CTRC: variants seen among roughly 807,000 people sequenced by gnomAD.
CTRC encodes chymotrypsin-C.
In CTRC, 32 loss-of-function variants were observed where a neutral mutation model predicts 35.7. The observed-to-expected ratio is 0.90, with a 90% CI of 0.68 to 1.20. The LOEUF is 1.20. Ranked by LOEUF, CTRC falls within the 50% of genes most tolerant of loss-of-function variation. The pLI is 0.00. For missense variants in CTRC, 324 were observed against 361.5 expected (o/e 0.90, Z 0.84); for synonymous variants, 119 against 149.5 (o/e 0.80, Z 1.49).
chr1:15,445,793 C>T (rs910475501), intron 7 of CTRC, 44 bp downstream of exon 7: 1 of 1,609,734 alleles, frequency 6.2e-7, no homozygotes, highest in South Asian at 1.1e-5. Flanking sequence ...GTCAGCCCCT[C>T]CCCCTCACTC....
chr1:15,441,386 C>T (rs927199274), intron 3 of CTRC, among the ~76,000 whole-genome samples: 1 of 151,862 alleles, frequency 6.6e-6, no homozygotes, highest in African/African-American at 2.4e-5. Context: ...GTGTTCCAGG[C>T]GGAGGGAACA....
In CTRC at chr1:15,446,921, C is replaced by G. The variant is rs536729694; in HGVS notation, c.*332C>G. 44 of 461,900 alleles carry G rather than the reference C, an allele frequency of 9.5e-5. No individual in the cohort carries two copies. Among genetic ancestry groups the G allele is most frequent in the African/African-American group, 6.7e-4 (34 of 50,636 alleles). 28.6% of individuals were successfully genotyped at this position (461,900 alleles called of 1,614,324 possible). A position where few individuals can be genotyped will look rare whatever the true frequency, so the allele number is the denominator to read the frequency against. ...TGAAGGACGCATCAGACACCTTCCC[C>G]GCTCCATCTCACAAGCTGCGAACAG... On this transcript the variant is annotated 3_prime_UTR_variant, in exon 8 of 8. Transcript: ENST00000375949.
In CTRC at chr1:15,441,741, A is replaced by G. The variant is rs116878188; in HGVS notation, c.231-706A>G. Reference sequence around the variant, plus strand: ...CAGAGTCTCATTTAGTGGTACCATCATGGTTCACTGTAGCCTTGACCTCCT... The same window carrying G: ...CAGAGTCTCATTTAGTGGTACCATCGTGGTTCACTGTAGCCTTGACCTCCT... On this transcript the variant is annotated intron_variant, in intron 3 of 7. Coordinates refer to ENST00000375949, the MANE Select transcript of CTRC (RefSeq NM_007272.3). Among the ~76,000 whole-genome samples the G allele has an allele frequency of 1.6e-3, 235 of 149,724 alleles. 3 individuals are homozygous for G. In the East Asian group the frequency reaches 0.043, roughly 27 times the overall value.
chr1:15,446,251 C>T (rs923148706), intron 7 of CTRC, among the ~76,000 whole-genome samples: 2 of 152,248 alleles, frequency 1.3e-5, no homozygotes, highest in African/African-American at 4.8e-5. Context: ...ACCAGTCTCC[C>T]CCAAAAACTG....
intron 3 of CTRC, 43 bp from the exon 4 acceptor site, chr1:15,442,404 G>A (rs1463220854): frequency 6.3e-7 from 1 of 1,580,090 alleles, no homozygotes; most frequent in East Asian, 2.3e-5. Context: ...CTGGCTGGCA[G>A]GACCAGGGGG....
At chr1:15,444,100 T>A (rs544340146) in intron 5 of CTRC, among the ~76,000 whole-genome samples, 75 of 151,256 alleles carry the variant, frequency 5.0e-4, no homozygotes, top group South Asian at 1.5e-3. Flanking sequence ...AAAAAAAAAA[T>A]TTTTAAATAG....
chr1:15,443,861 T>C (rs1208459164), intron 5 of CTRC, among the ~76,000 whole-genome samples: 1 of 152,136 alleles, frequency 6.6e-6, no homozygotes, highest in Non-Finnish European at 1.5e-5. Flanking sequence ...ACATCTGTGG[T>C]ATACCGTATG....
chr1:15,440,060 G>T (rs1708102401), intron 1 of CTRC, among the ~76,000 whole-genome samples: 1 of 152,118 alleles, frequency 6.6e-6, no homozygotes, highest in Non-Finnish European at 1.5e-5. Flanking sequence ...TCTTTTTTAT[G>T]TGTTGTCTAA....
intron 1 of CTRC, among the ~76,000 whole-genome samples, chr1:15,438,793 G>A (rs1449063400): frequency 6.6e-6 from 1 of 152,170 alleles, no homozygotes; most frequent in Non-Finnish European, 1.5e-5. Context: ...CCTCATCCTG[G>A]GTTCACCCCA....
chr1:15,444,903 C>T, intron 6 of CTRC, 152 bp downstream of exon 6: 1 of 918,980 alleles, frequency 1.1e-6, no homozygotes, highest in Non-Finnish European at 1.7e-6. Context: ...CATCACCCCC[C>T]ATCACTGTGG....
In CTRC at chr1:15,447,039, C is replaced by G; in HGVS notation, c.*450C>G. 3.1e-6 allele frequency: 1 copy of G among 318,856 alleles called. No homozygotes were observed. 19.8% of individuals were successfully genotyped at this position (318,856 alleles called of 1,614,324 possible). A position where few individuals can be genotyped will look rare whatever the true frequency, so the allele number is the denominator to read the frequency against. ...CAGCCCCCCAGCAGCAGGTGGAAGACAGGGTCTCCCCAAAAGCAGCGTCCC... is the reference window on the plus strand; with the variant it reads ...CAGCCCCCCAGCAGCAGGTGGAAGAGAGGGTCTCCCCAAAAGCAGCGTCCC... On this transcript the variant is annotated 3_prime_UTR_variant, in exon 8 of 8. Transcript: ENST00000375949.
chr1:15,445,456 C>T (rs1557510650), intron 6 of CTRC, 141 bp from the exon 7 acceptor site: 6 of 800,708 alleles, frequency 7.5e-6, no homozygotes, highest in Admixed American at 2.3e-5. Context: ...GCCTCCCTCA[C>T]CATGGGCAGG....
Position 15,447,770 on chromosome 1 carries a change from C to T in CTRC, c.*1181C>T, listed in dbSNP as rs1377546465. The stretch of plus-strand genomic sequence containing the variant: ...GTCCCTTTTCTCCACCAGACTTTGT[C>T]CCCTGGGAGTGGGGACCATGGTGTG... On this transcript the variant is annotated 3_prime_UTR_variant, in exon 8 of 8. Coordinates refer to ENST00000375949, the MANE Select transcript of CTRC (RefSeq NM_007272.3). 2.0e-5 allele frequency: 3 copies of T among 152,246 alleles called. No individual in the cohort carries two copies. The highest frequency in any genetic ancestry group is 7.2e-5 in the African/African-American group (3 of 41,438). The allele number at this position is 152,246 out of a possible 1,614,324, so 9.4% of individuals were successfully genotyped here.
chr1:15,447,203 T>G lies in CTRC; in HGVS notation c.*614T>G, dbSNP rs1457657504. On this transcript the variant is annotated 3_prime_UTR_variant, in exon 8 of 8. Transcript: ENST00000375949. ...ATGGCTGCTGTTGGCAGGGGCTCTC[T>G]GCTTTGAGAAGTGTTTAGTGAGCCA... is the stretch of plus-strand genomic sequence containing the variant. 3 of 180,666 alleles carry G rather than the reference T, an allele frequency of 1.7e-5. No individual in the cohort carries two copies. Among genetic ancestry groups the G allele is most frequent in the South Asian group, 2.4e-4 (2 of 8,286 alleles). The allele number at this position is 180,666 out of a possible 1,614,324, so 11.2% of individuals were successfully genotyped here.
At chr1:15,442,283 C>T (rs1425705044) in intron 3 of CTRC, among the ~76,000 whole-genome samples, 164 bp from the exon 4 acceptor site, 1 of 152,102 alleles carries the variant, frequency 6.6e-6, no homozygotes, top group Non-Finnish European at 1.5e-5. Flanking sequence ...GAACCCAAGT[C>T]CCTTGACCCC....
intron 5 of CTRC, among the ~76,000 whole-genome samples, chr1:15,444,099 A>T (rs889953263): frequency 1.7e-4 from 26 of 152,054 alleles, no homozygotes; most frequent in East Asian, 1.2e-3. Flanking sequence ...CAAAAAAAAA[A>T]TTTTTAAATA....
At chr1:15,442,701 T>A in intron 4 of CTRC, 129 bp downstream of exon 4, 1 of 1,348,110 alleles carries the variant, frequency 7.4e-7, no homozygotes, top group Non-Finnish European at 1.0e-6. Context: ...AGCCAGCAAA[T>A]GACTGTCTTA....
chr1:15,443,533 C>T lies in CTRC; in HGVS notation c.471C>T (p.Val157=). The change falls in exon 5 of 8, where the codon GTC becomes GTT. Residue 157 remains valine (V), a synonymous_variant. Coordinates refer to ENST00000375949, the MANE Select transcript of CTRC (RefSeq NM_007272.3). ...TCCCCAAGGACTACCCCTGCTATGT[C>T]ACCGGCTGGGGCCGCCTCTGGAGTG... is the stretch of plus-strand genomic sequence containing the variant. ...SLLPKDYPCY[V]TGWGRLWTNG... is the part of the protein sequence containing the mutation. The T allele has an allele frequency of 1.2e-6, 2 of 1,614,250 alleles. No individual in the cohort carries two copies. Among genetic ancestry groups the T allele is most frequent in the African/African-American group, 2.7e-5 (2 of 75,070 alleles).
At chr1:15,440,014 T>G (rs540348418) in intron 1 of CTRC, among the ~76,000 whole-genome samples, 1 of 152,340 alleles carries the variant, frequency 6.6e-6, no homozygotes, top group South Asian at 2.1e-4. Flanking sequence ...AGTGCTGGGA[T>G]TACAGGTGTG....
Sources: allele counts gnomAD v4.1 joint callset (sites outside exome capture counted in the v4.1 genomes callset), GRCh38; gene constraint gnomAD v4.1.1; transcripts MANE v1.5; gene names NCBI Gene and HGNC (gene_info 2026-07-23, HGNC 2026-07-21).